The following TNFAIP8L3 variants were observed in gnomAD, a reference collection of about 807,000 sequenced individuals.
The protein encoded by TNFAIP8L3 is tumor necrosis factor alpha-induced protein 8-like protein 3.
Under a neutral mutation model 11.8 loss-of-function variants are expected in TNFAIP8L3, and 7 were observed. The observed-to-expected ratio is 0.59, with a 90% confidence interval of 0.34 to 1.11. The LOEUF is 1.11. Among genes scored for constraint, TNFAIP8L3 ranks in the 50% most tolerant of loss-of-function variants. The pLI is 0.03. For synonymous variants in TNFAIP8L3, 98 were observed against 103.8 expected (o/e 0.94, Z 0.34); for missense variants, 219 against 258.6 (o/e 0.85, Z 1.05).
chr15:51,068,864 C>T (rs1222868726), intron 1 of TNFAIP8L3, among the ~76,000 whole-genome samples: 1 of 152,068 alleles, frequency 6.6e-6, no homozygotes, highest in African/African-American at 2.4e-5. Context: ...GATGGGGTTT[C>T]ACCAGGTTGG....
chr15:51,091,144 A>G (rs190740794), intron 1 of TNFAIP8L3, among the ~76,000 whole-genome samples: 15 of 152,324 alleles, frequency 9.8e-5, no homozygotes, highest in African/African-American at 3.6e-4. Flanking sequence ...AATGACAGAA[A>G]GGCAGAGGAG....
intron 1 of TNFAIP8L3, among the ~76,000 whole-genome samples, chr15:51,060,453 C>A (rs1409632769): frequency 6.6e-6 from 1 of 152,166 alleles, no homozygotes; most frequent in East Asian, 1.9e-4. Context: ...TGAGTCATGG[C>A]TTTGTAGTCA....
chr15:51,082,325 T>C (rs960959321), intron 1 of TNFAIP8L3, among the ~76,000 whole-genome samples: 26 of 152,154 alleles, frequency 1.7e-4, no homozygotes, highest in Non-Finnish European at 4.4e-5. Context: ...TATTTGTATA[T>C]CTAAACATGT....
chr15:51,084,227 CAT>C (rs1434604169), intron 1 of TNFAIP8L3, among the ~76,000 whole-genome samples: 2 of 152,112 alleles, frequency 1.3e-5, no homozygotes, highest in East Asian at 3.9e-4. Context: ...TATATACGTA[CAT>C]ACAGAAAAAC....
chr15:51,088,452 G>C (rs1012761430), intron 1 of TNFAIP8L3, among the ~76,000 whole-genome samples: 16 of 152,146 alleles, frequency 1.1e-4, no homozygotes, highest in African/African-American at 3.9e-4. Flanking sequence ...TACAGATCCA[G>C]TTTGAGGTGG....
At chr15:51,064,630 T>C (rs2065259175) in intron 1 of TNFAIP8L3, 1 of 152,204 alleles carries the variant, frequency 6.6e-6, no homozygotes, top group Non-Finnish European at 1.5e-5. Context: ...GCTGGGGAGA[T>C]ACCATTGTTT....
intron 1 of TNFAIP8L3, among the ~76,000 whole-genome samples, chr15:51,089,261 A>T (rs1413757860): frequency 1.3e-5 from 2 of 152,104 alleles, no homozygotes; most frequent in East Asian, 3.9e-4. Context: ...CCACCTACCT[A>T]TTCAGCCAGC....
At chr15:51,098,592 A>G (rs1007923862), upstream of TNFAIP8L3, among the ~76,000 whole-genome samples, 1 of 152,214 alleles carries the variant, frequency 6.6e-6, no homozygotes, top group Non-Finnish European at 1.5e-5. Flanking sequence ...CTTGCCAGTA[A>G]AAATAAGCTT....
intron 1 of TNFAIP8L3, among the ~76,000 whole-genome samples, chr15:51,071,662 T>C (rs1358082632): frequency 2.0e-5 from 3 of 152,256 alleles, no homozygotes; most frequent in Admixed American, 6.5e-5. Context: ...AAGGAAAAAG[T>C]GTCTCCTTGT....
chr15:51,095,549 C>T (rs2065508431), upstream of TNFAIP8L3, among the ~76,000 whole-genome samples: 1 of 152,026 alleles, frequency 6.6e-6, no homozygotes. Flanking sequence ...CGTGCTATTT[C>T]GCGCCCTCGA....
chr15:51,061,678 G>GATGC (rs201760389), intron 1 of TNFAIP8L3, among the ~76,000 whole-genome samples: 230 of 152,024 alleles, frequency 1.5e-3, no homozygotes, highest in Admixed American at 0.012. Context: ...ACAACCAAAG[G>GATGC]ATGCATATGA....
chr15:51,073,248 G>C (rs1304476455), intron 1 of TNFAIP8L3, among the ~76,000 whole-genome samples: 1 of 152,082 alleles, frequency 6.6e-6, no homozygotes, highest in Non-Finnish European at 1.5e-5. Flanking sequence ...TGCCTGCCTT[G>C]GCCTCCCAAA....
intron 1 of TNFAIP8L3, among the ~76,000 whole-genome samples, chr15:51,087,159 C>T (rs1308669703): frequency 2.6e-5 from 4 of 152,208 alleles, no homozygotes; most frequent in Non-Finnish European, 5.9e-5. Flanking sequence ...TGAGCCACTG[C>T]ACCCAGCTCA....
At chr15:51,075,790 G>T (rs1218334234) in intron 1 of TNFAIP8L3, among the ~76,000 whole-genome samples, 1 of 152,212 alleles carries the variant, frequency 6.6e-6, no homozygotes, top group Non-Finnish European at 1.5e-5. Flanking sequence ...TTGGAAAAAA[G>T]AAACAAAACA....
chr15:51,094,539 G>A lies in TNFAIP8L3; in HGVS notation c.52+5C>T, dbSNP rs772439757. 6 of 1,497,732 alleles carry A rather than the reference G, an allele frequency of 4.0e-6. No homozygotes were observed. The African/African-American group carries it at 4.4e-5, about 11-fold the overall frequency. The allele number at this position is 1,497,732 out of a possible 1,614,324, so 92.8% of individuals were successfully genotyped here. A position where few individuals can be genotyped will look rare whatever the true frequency, so the allele number is the denominator to read the frequency against. On this transcript the variant is annotated splice_donor_5th_base_variant and intron_variant, in intron 1 of 1. Coordinates refer to ENST00000637513, the MANE Select transcript of TNFAIP8L3 (RefSeq NM_001311175.2). This position sits in a 1 kb window ranked among gnomAD's most constrained non-coding sequence, Gnocchi z 4.4. ...CCCGCCTGGGCCGTCGCGGCCCCTAGGTACCTGCGGCGGTCACGGGCTCGC... is the reference window on the plus strand; with the variant it reads ...CCCGCCTGGGCCGTCGCGGCCCCTAAGTACCTGCGGCGGTCACGGGCTCGC...
chr15:51,057,670 A>G lies in TNFAIP8L3; in HGVS notation c.*211T>C, dbSNP rs773621628. On this transcript the variant is annotated 3_prime_UTR_variant, in exon 2 of 2. Transcript: ENST00000637513. ...GATGAAATGTCCTTTGGGCTTGCAC[A>G]CAGGTGATTTTAAGTAGAAACCTTG... The G allele has an allele frequency of 1.1e-5, 6 of 533,532 alleles. No individual in the cohort carries two copies. The highest frequency in any genetic ancestry group is 1.6e-5 in the Non-Finnish European group (5 of 306,678). 33.0% of individuals were successfully genotyped at this position (533,532 alleles called of 1,614,324 possible).
At chr15:51,083,320 G>A (rs2065405180) in intron 1 of TNFAIP8L3, among the ~76,000 whole-genome samples, 1 of 152,112 alleles carries the variant, frequency 6.6e-6, no homozygotes, top group Non-Finnish European at 1.5e-5. Flanking sequence ...GGTGGTGGCA[G>A]ACCAATACCT....
chr15:51,067,869 A>T (rs1239789543), intron 1 of TNFAIP8L3, among the ~76,000 whole-genome samples: 1 of 152,234 alleles, frequency 6.6e-6, no homozygotes, highest in Admixed American at 6.5e-5. Flanking sequence ...AGAGTGGACA[A>T]TTATCCTTCC....
chr15:51,083,287 T>G (rs1395880520), intron 1 of TNFAIP8L3, among the ~76,000 whole-genome samples: 1 of 152,202 alleles, frequency 6.6e-6, no homozygotes, highest in African/African-American at 2.4e-5. Flanking sequence ...TAATAAATTT[T>G]TTTGGAACGA....
Sources: allele counts gnomAD v4.1 joint callset (sites outside exome capture counted in the v4.1 genomes callset), GRCh38; gene constraint gnomAD v4.1.1; non-coding constraint Gnocchi (gnomAD v3.1); transcripts MANE v1.5; gene names NCBI Gene and HGNC (gene_info 2026-07-23, HGNC 2026-07-21).